Variants in RPS6KC1 observed in about 807,000 individuals in gnomAD.
RPS6KC1 encodes the protein inactive ribosomal protein S6 kinase delta-1.
RPS6KC1 carries 54 observed loss-of-function variants against 103.8 expected under a neutral mutation model. That is an observed-to-expected ratio of 0.52 (90% CI 0.42 to 0.65). The LOEUF is 0.65. Ranked by LOEUF, RPS6KC1 falls within the 30% of genes least tolerant of loss-of-function variation. The pLI, the probability that RPS6KC1 is intolerant of heterozygous loss-of-function variation, is 0.00. For synonymous variants in RPS6KC1, 439 were observed against 438.7 expected, an observed-to-expected ratio of 1.00 and a Z score of -0.01; for missense variants, 1,151 against 1,253.8, an observed-to-expected ratio of 0.92 and a Z score of 1.24.
At chr1:213,193,791 G>A (rs1322180869) in intron 8 of RPS6KC1, among the ~76,000 whole-genome samples, 1 of 151,972 alleles carries the variant, frequency 6.6e-6, no homozygotes, top group Non-Finnish European at 1.5e-5. Context: ...ACCATGCCTA[G>A]CTAGCTTTGC....
chr1:213,798,457 C>A, the RPS6KC1 span, among the ~76,000 whole-genome samples: 2 of 152,192 alleles, frequency 1.3e-5, no homozygotes, highest in Non-Finnish European at 2.9e-5. Flanking sequence ...TACCACACAG[C>A]TATAGCAGGG....
chr1:213,748,951 C>A, the RPS6KC1 span, among the ~76,000 whole-genome samples: 1 of 152,186 alleles, frequency 6.6e-6, no homozygotes, highest in African/African-American at 2.4e-5. Flanking sequence ...ATGAACCAGA[C>A]CCTCCGCAGT....
the RPS6KC1 span, among the ~76,000 whole-genome samples, chr1:213,439,636 G>A: frequency 6.6e-6 from 1 of 152,238 alleles, no homozygotes; most frequent in East Asian, 1.9e-4. Flanking sequence ...TCAGATGCAG[G>A]CCTCACAATG....
At chr1:213,153,287 G>A (rs572061973) in intron 6 of RPS6KC1, among the ~76,000 whole-genome samples, 13 of 151,774 alleles carry the variant, frequency 8.6e-5, no homozygotes, top group South Asian at 4.2e-4. Flanking sequence ...AAAGGCAGGC[G>A]CAGAGGCAGG....
chr1:213,695,010 A>G, the RPS6KC1 span, among the ~76,000 whole-genome samples: 1 of 152,126 alleles, frequency 6.6e-6, no homozygotes, highest in African/African-American at 2.4e-5. Context: ...AGGGCAGCAA[A>G]CCTGAAATGG....
At chr1:213,622,672 A>AC in the RPS6KC1 span, among the ~76,000 whole-genome samples, 1 of 151,282 alleles carries the variant, frequency 6.6e-6, no homozygotes, top group Non-Finnish European at 1.5e-5. Context: ...CCTCCCCCTG[A>AC]CCCCCATAGG....
the RPS6KC1 span, among the ~76,000 whole-genome samples, chr1:213,607,138 A>G: frequency 3.3e-5 from 5 of 152,180 alleles, no homozygotes; most frequent in African/African-American, 1.2e-4. Context: ...CTCCCCTGCA[A>G]CTTCTCTCAA....
At chr1:213,266,680 G>T (rs1365801729) in intron 14 of RPS6KC1, among the ~76,000 whole-genome samples, 1 of 152,120 alleles carries the variant, frequency 6.6e-6, no homozygotes, top group African/African-American at 2.4e-5. Context: ...GCCGAGGCGG[G>T]TGGATCACCT....
chr1:213,221,003 G>A (rs2093817600), intron 8 of RPS6KC1, among the ~76,000 whole-genome samples: 1 of 152,084 alleles, frequency 6.6e-6, no homozygotes, highest in Admixed American at 6.5e-5. Context: ...TATGTTTGAA[G>A]TATGGGTATG....
chr1:213,732,120 A>C, the RPS6KC1 span, among the ~76,000 whole-genome samples: 3 of 152,152 alleles, frequency 2.0e-5, no homozygotes, highest in East Asian at 1.9e-4. Context: ...TGAAAAAAAA[A>C]CCAAATACAT....
At chr1:213,294,450 A>T in the RPS6KC1 span, among the ~76,000 whole-genome samples, 1 of 152,288 alleles carries the variant, frequency 6.6e-6, no homozygotes, top group Non-Finnish European at 1.5e-5. Flanking sequence ...ACTCAGGCTC[A>T]TTGGCAATGA....
the RPS6KC1 span, among the ~76,000 whole-genome samples, chr1:213,375,151 A>G: frequency 6.6e-6 from 1 of 151,560 alleles, no homozygotes; most frequent in Non-Finnish European, 1.5e-5. Flanking sequence ...ACATATACAC[A>G]TATATACACG....
chr1:213,773,312 C>T, the RPS6KC1 span, among the ~76,000 whole-genome samples: 19 of 151,500 alleles, frequency 1.3e-4, no homozygotes, highest in Non-Finnish European at 2.1e-4. Flanking sequence ...TCCTTCTCAC[C>T]GCGCACCCCC....
the RPS6KC1 span, among the ~76,000 whole-genome samples, chr1:213,403,619 A>G: frequency 6.6e-6 from 1 of 152,096 alleles, no homozygotes; most frequent in African/African-American, 2.4e-5. Context: ...CATAGCATGA[A>G]CACTCATTGA....
intron 4 of RPS6KC1, among the ~76,000 whole-genome samples, chr1:213,116,773 G>A (rs2083688526): frequency 6.6e-6 from 1 of 151,566 alleles, no homozygotes; most frequent in South Asian, 2.1e-4. Context: ...CTCAGCATTT[G>A]CTTGTCTGTA....
At chr1:213,185,487 A>G (rs969785890) in intron 8 of RPS6KC1, among the ~76,000 whole-genome samples, 2 of 152,114 alleles carry the variant, frequency 1.3e-5, no homozygotes, top group African/African-American at 4.8e-5. Flanking sequence ...TCTCTACTAA[A>G]AAATACAAAA....
At chr1:213,260,122 C>A (rs545179288) in intron 12 of RPS6KC1, among the ~76,000 whole-genome samples, 1 of 152,262 alleles carries the variant, frequency 6.6e-6, no homozygotes, top group East Asian at 1.9e-4. Context: ...TTAGGTAGTT[C>A]TCAATTTTTC....
At chr1:213,781,876 T>G in the RPS6KC1 span, among the ~76,000 whole-genome samples, 6 of 152,182 alleles carry the variant, frequency 3.9e-5, no homozygotes, top group East Asian at 1.2e-3. Context: ...AAATCATTGT[T>G]GAGGATTCAG....
intron 2 of RPS6KC1, among the ~76,000 whole-genome samples, chr1:213,076,323 A>C (rs1392198196): frequency 1.3e-5 from 2 of 152,244 alleles, no homozygotes; most frequent in Non-Finnish European, 2.9e-5. Flanking sequence ...GGCAGCATGA[A>C]AAAGTTTGCT....
Sources: gnomAD v4.1 joint callset for allele counts (sites outside exome capture counted in the v4.1 genomes callset) on GRCh38, gnomAD v4.1.1 for gene constraint, MANE v1.5 for transcripts, NCBI Gene and HGNC (gene_info 2026-07-23, HGNC 2026-07-21) for gene names.